The following ADAMTS15 variants were observed in gnomAD, a reference collection of about 807,000 sequenced individuals.
ADAMTS15 encodes A disintegrin and metalloproteinase with thrombospondin motifs 15.
Under a neutral mutation model 79.1 loss-of-function variants are expected in ADAMTS15, and 35 were observed. That is an observed-to-expected ratio of 0.44 (90% CI 0.34 to 0.59). The LOEUF is 0.59. Among genes scored for constraint, ADAMTS15 ranks in the 20% least tolerant of loss-of-function variants. The pLI is 0.02. For synonymous variants in ADAMTS15, 616 were observed against 567.3 expected, an observed-to-expected ratio of 1.09 and a Z score of -1.22; for missense variants, 1,324 against 1,318.7, an observed-to-expected ratio of 1.00 and a Z score of -0.06.
rs1359154133 is a variant in ADAMTS15 at position 130,471,042 on chromosome 11, A to G, written c.1843A>G (p.Lys615Glu). 6.2e-7 allele frequency: 1 copy of G among 1,613,758 alleles called. No homozygotes were observed. The highest frequency in any genetic ancestry group is 2.2e-5 in the East Asian group (1 of 44,894). The change falls in exon 6 of 8, where the codon AAG becomes GAG. Residue 615 changes from lysine to glutamate, a missense_variant. Physicochemically the swap from Lys to Glu is moderately conservative, Grantham distance 56 (BLOSUM62 1). Coordinates refer to ENST00000299164, the MANE Select transcript of ADAMTS15 (RefSeq NM_139055.4). ...PKYSGVSPRD[K>E]CKLICRANGT... ...GTACTCCGGCGTGTCTCCCCGGGAC[A>G]AGTGCAAGCTCATCTGCCGAGCCAA...
chr11:130,474,034 A>G lies in ADAMTS15; in HGVS notation c.*213A>G, dbSNP rs1938526123. 6.4e-6 allele frequency: 4 copies of G among 627,730 alleles called. No individual in the cohort carries two copies. The allele number at this position is 627,730 out of a possible 1,614,324, so 38.9% of individuals were successfully genotyped here. A position where few individuals can be genotyped will look rare whatever the true frequency, so the allele number is the denominator to read the frequency against. Reference sequence around the variant, plus strand: ...CAGGAACTCCCGCACAGTCTACCTCAGGCCCCGCTCCTCGGGCCGGTTGCG... The same window carrying G: ...CAGGAACTCCCGCACAGTCTACCTCGGGCCCCGCTCCTCGGGCCGGTTGCG... On this transcript the variant is annotated 3_prime_UTR_variant, in exon 8 of 8. Coordinates refer to ENST00000299164, the MANE Select transcript of ADAMTS15 (RefSeq NM_139055.4).
chr11:130,467,399 G>A (rs1392083840), intron 4 of ADAMTS15, among the ~76,000 whole-genome samples: 1 of 152,206 alleles, frequency 6.6e-6, no homozygotes, highest in Non-Finnish European at 1.5e-5. Flanking sequence ...GCGCTAGTTT[G>A]AGTAGTTTGA....
intron 5 of ADAMTS15, among the ~76,000 whole-genome samples, chr11:130,470,189 T>TATATAC (rs1565397877): frequency 2.0e-4 from 10 of 49,842 alleles, no homozygotes; most frequent in Admixed American, 1.0e-3. Context: ...TATGTGTGTA[T>TATATAC]ATATATATAT....
chr11:130,457,741 G>A lies in ADAMTS15; in HGVS notation c.958-3748G>A, dbSNP rs1242109989. 2.6e-5 allele frequency among the ~76,000 whole-genome samples: 4 copies of A among 152,318 alleles called. No homozygotes were observed. In the East Asian group the frequency reaches 5.8e-4, roughly 22 times the overall value. Reference sequence around the variant, plus strand: ...GCCTCTGAGTTCATTCCAGAAGGGTGGAGATTTTTGATGCCACAAAGGAGG... The same window carrying A: ...GCCTCTGAGTTCATTCCAGAAGGGTAGAGATTTTTGATGCCACAAAGGAGG... On this transcript the variant is annotated intron_variant, in intron 1 of 7. Transcript: ENST00000299164.
chr11:130,469,534 A>C lies in ADAMTS15; in HGVS notation c.1720+95A>C, dbSNP rs1938379152. The C allele has an allele frequency of 1.1e-5, 11 of 996,948 alleles. No homozygotes were observed. In the South Asian group the frequency reaches 3.4e-4, roughly 31 times the overall value. 61.8% of individuals were successfully genotyped at this position (996,948 alleles called of 1,614,324 possible). On this transcript the variant is annotated intron_variant, in intron 5 of 7. Coordinates refer to ENST00000299164, the MANE Select transcript of ADAMTS15 (RefSeq NM_139055.4). The stretch of plus-strand genomic sequence containing the variant: ...CTACTCCATGTAATGCATGGCCTCC[A>C]GGTAATTGGGTACACAGGTAATTCA...
intron 1 of ADAMTS15, among the ~76,000 whole-genome samples, chr11:130,457,872 C>T (rs1247462993): frequency 2.0e-5 from 3 of 152,212 alleles, no homozygotes; most frequent in Non-Finnish European, 4.4e-5. Flanking sequence ...GGCAGAGCTT[C>T]TGACCCCATA....
intron 1 of ADAMTS15, among the ~76,000 whole-genome samples, chr11:130,453,099 G>C (rs1449687419): frequency 6.6e-6 from 1 of 152,220 alleles, no homozygotes; most frequent in Admixed American, 6.5e-5. Context: ...AGCCCTGTTG[G>C]GGAGGAGGGG....
Position 130,474,448 on chromosome 11 carries a change from C to T in ADAMTS15, c.*627C>T, listed in dbSNP as rs1212530314. 1.3e-5 allele frequency: 2 copies of T among 152,420 alleles called. No homozygotes were observed. The highest frequency in any genetic ancestry group is 4.8e-5 in the African/African-American group (2 of 41,436). 9.4% of individuals were successfully genotyped at this position (152,420 alleles called of 1,614,324 possible). On this transcript the variant is annotated 3_prime_UTR_variant, in exon 8 of 8. Transcript: ENST00000299164. ...TTTCTCATCCTGCACTCTTGGCCCTCCTATAAAGAAGCAGCCTCTCCTTCC... is the reference window on the plus strand; with the variant it reads ...TTTCTCATCCTGCACTCTTGGCCCTTCTATAAAGAAGCAGCCTCTCCTTCC...
rs755974369 is a variant in ADAMTS15, at chr11:130,473,029, C to A, written c.2079-18C>A. 6.2e-7 allele frequency: 1 copy of A among 1,611,140 alleles called. No individual in the cohort carries two copies. The highest frequency in any genetic ancestry group is 1.1e-5 in the South Asian group (1 of 90,768). On this transcript the variant is annotated intron_variant, in intron 7 of 7. Transcript: ENST00000299164. ...TCCAGGCTTCTATCTGATGCACGGC[C>A]CCCCTTTCCCCCGCCAGGCATGGCT...
chr11:130,450,401 T>C, intron 1 of ADAMTS15: 1 of 985,456 alleles, frequency 1.0e-6, no homozygotes, highest in Non-Finnish European at 1.2e-6. Context: ...GGTCAGCGCT[T>C]GCTACATTTC....
intron 5 of ADAMTS15, among the ~76,000 whole-genome samples, chr11:130,470,184 G>GTATATATATATATATATA (rs1281455253): frequency 4.0e-5 from 2 of 50,172 alleles, no homozygotes; most frequent in Non-Finnish European, 7.5e-5. Context: ...ATATATATGT[G>GTATATATATATATATATA]TGTATATATA....
rs1938497199 is a variant in ADAMTS15 at position 130,473,238 on chromosome 11, T to C, written c.2270T>C (p.Leu757Pro). 1 of 1,613,602 alleles carries C rather than the reference T, an allele frequency of 6.2e-7. No homozygotes were observed. The highest frequency in any genetic ancestry group is 8.5e-7 in the Non-Finnish European group (1 of 1,180,040). ...GACCTGGTGGTGAAGGGCAGTCTGCTGCGGTACAGCGGCACGGGCACAGCG... is the reference window on the plus strand; with the variant it reads ...GACCTGGTGGTGAAGGGCAGTCTGCCGCGGTACAGCGGCACGGGCACAGCG... ...ERDLVVKGSL[L>P]RYSGTGTAVE... Residue 757 changes from leucine (L) to proline (P), a missense_variant, in exon 8 of 8, where the codon CTG (leucine) becomes CCG (proline). Transcript: ENST00000299164.
rs1299663874 is a variant in ADAMTS15 at position 130,449,427 on chromosome 11, C to T, written c.454C>T (p.Gln152Ter). The change falls in exon 1 of 8, where the codon CAG becomes TAG. Residue 152 changes from glutamine to a stop codon, truncating the protein, a stop_gained. Transcript: ENST00000299164. LOFTEE classifies it high-confidence loss of function. This position sits in a 1 kb window ranked among gnomAD's most constrained non-coding sequence, Gnocchi z 7.8. The part of the protein sequence containing the change: ...ASAPAAQRNS[Q>*]GAHLLQRRGV... The stretch of plus-strand genomic sequence containing the variant: ...CGCGCCGGCGGCGCAGCGCAACAGC[C>T]AGGGCGCACACCTTCTCCAGCGCCG... 6.3e-7 allele frequency: 1 copy of T among 1,595,070 alleles called. No individual in the cohort carries two copies. Among genetic ancestry groups the T allele is most frequent in the Admixed American group, 1.7e-5 (1 of 59,730 alleles).
At chr11:130,460,312 T>C (rs970416122) in intron 1 of ADAMTS15, among the ~76,000 whole-genome samples, 1 of 151,962 alleles carries the variant, frequency 6.6e-6, no homozygotes, top group African/African-American at 2.4e-5. Flanking sequence ...GTTTTGCTCT[T>C]GTCGCCCACG....
chr11:130,470,852 G>A, intron 5 of ADAMTS15, 68 bp from the exon 6 acceptor site: 1 of 1,518,894 alleles, frequency 6.6e-7, no homozygotes, highest in Non-Finnish European at 8.9e-7. Flanking sequence ...GGCTGGGAGG[G>A]AGGCTTGTCC....
chr11:130,470,048 G>A (rs899440944), intron 5 of ADAMTS15, among the ~76,000 whole-genome samples: 7 of 147,030 alleles, frequency 4.8e-5, no homozygotes, highest in Non-Finnish European at 1.0e-4. Flanking sequence ...GGTTGTTGCA[G>A]AATTTTCAAA....
intron 1 of ADAMTS15, chr11:130,450,390 A>G (rs1937939873): frequency 1.0e-6 from 1 of 985,466 alleles, no homozygotes; most frequent in Non-Finnish European, 1.2e-6. Flanking sequence ...AGGTGATCCA[A>G]GGTCAGCGCT....
chr11:130,455,451 T>C (rs1448266853), intron 1 of ADAMTS15, among the ~76,000 whole-genome samples: 2 of 152,216 alleles, frequency 1.3e-5, no homozygotes, highest in Admixed American at 6.5e-5. Context: ...GGAACCTCTT[T>C]AGTCTTTGTA....
In ADAMTS15 at chr11:130,452,124, G is replaced by C. The variant is rs555932402; in HGVS notation, c.957+2194G>C. Among the ~76,000 whole-genome samples, 33 of 131,312 alleles carry C rather than the reference G, an allele frequency of 2.5e-4. 1 individual carries two copies. The highest frequency in any genetic ancestry group is 8.0e-5 in the Non-Finnish European group (5 of 62,478). 86.1% of individuals were successfully genotyped at this position (131,312 alleles called of 152,430 possible). A position where few individuals can be genotyped will look rare whatever the true frequency, so the allele number is the denominator to read the frequency against. On this transcript the variant is annotated intron_variant, in intron 1 of 7. Transcript: ENST00000299164. ...AGAGTCTCAGGATCTTCTCACTCCT[G>C]ATATCTCTGGGGGAAGGTACAGTAT...
Sources: gnomAD v4.1 joint callset for allele counts (sites outside exome capture counted in the v4.1 genomes callset) on GRCh38, gnomAD v4.1.1 for gene constraint, Gnocchi (gnomAD v3.1) non-coding constraint, MANE v1.5 for transcripts, NCBI Gene and HGNC (gene_info 2026-07-23, HGNC 2026-07-21) for gene names.